Variants in CNTN4 observed in about 807,000 individuals in gnomAD.
The protein encoded by CNTN4 is contactin 4.
In CNTN4, 77 loss-of-function variants were observed where a neutral mutation model predicts 122.5. That is an observed-to-expected ratio of 0.63 (90% CI 0.52 to 0.76). The LOEUF is 0.76. CNTN4 is among the 30% of genes least tolerant of loss of function. The pLI is 0.00. For missense variants in CNTN4, 1,256 were observed against 1,259.1 expected, an observed-to-expected ratio of 1.00 and a Z score of 0.04; for synonymous variants, 512 against 447.0, an observed-to-expected ratio of 1.15 and a Z score of -1.83.
chr3:2,743,444 C>G (rs567088764), intron 5 of CNTN4, among the ~76,000 whole-genome samples: 1 of 152,280 alleles, frequency 6.6e-6, no homozygotes, highest in South Asian at 2.1e-4. Context: ...TTCTTATATA[C>G]AAACACATAA....
chr3:2,692,105 T>C (rs1279426222), intron 4 of CNTN4, among the ~76,000 whole-genome samples: 1 of 143,824 alleles, frequency 7.0e-6, no homozygotes, highest in African/African-American at 2.6e-5. Context: ...TTCTTAAACT[T>C]AAGTGGCACA....
At chr3:2,188,013 G>A (rs957728627) in intron 2 of CNTN4, among the ~76,000 whole-genome samples, 1 of 151,016 alleles carries the variant, frequency 6.6e-6, no homozygotes, top group African/African-American at 2.5e-5. Flanking sequence ...AATGAAAAGG[G>A]AGAAAAAAAA....
At chr3:3,024,474 C>T (rs1447594374) in intron 14 of CNTN4, among the ~76,000 whole-genome samples, 2 of 149,928 alleles carry the variant, frequency 1.3e-5, no homozygotes, top group Non-Finnish European at 3.0e-5. Flanking sequence ...TTATGTAGTC[C>T]TCAAAAGCCT....
chr3:2,745,482 A>ATATG, intron 5 of CNTN4, 40 bp from the exon 6 acceptor site: 1 of 1,473,414 alleles, frequency 6.8e-7, no homozygotes, highest in Non-Finnish European at 9.5e-7. Flanking sequence ...ATATTGATTA[A>ATATG]TATGACAAGA....
intron 3 of CNTN4, among the ~76,000 whole-genome samples, chr3:2,475,853 C>G (rs2075821027): frequency 6.6e-6 from 1 of 152,030 alleles, no homozygotes; most frequent in Non-Finnish European, 1.5e-5. Flanking sequence ...GAATTTCCAG[C>G]TCTTAACTCA....
At chr3:2,462,224 A>C (rs777279156) in intron 3 of CNTN4, among the ~76,000 whole-genome samples, 3 of 152,210 alleles carry the variant, frequency 2.0e-5, no homozygotes, top group African/African-American at 7.2e-5. Context: ...AGTAGCCTCC[A>C]GTGTCCATGC....
chr3:2,510,473 G>A (rs1188379273), intron 3 of CNTN4, among the ~76,000 whole-genome samples: 1 of 151,888 alleles, frequency 6.6e-6, no homozygotes, highest in Non-Finnish European at 1.5e-5. Flanking sequence ...TATCATACAG[G>A]CTCCTTAACT....
At chr3:2,316,970 C>T (rs2043124339) in intron 2 of CNTN4, among the ~76,000 whole-genome samples, 1 of 152,208 alleles carries the variant, frequency 6.6e-6, no homozygotes, top group Non-Finnish European at 1.5e-5. Flanking sequence ...TTTGTGACTT[C>T]ATTTTCCTTC....
intron 4 of CNTN4, among the ~76,000 whole-genome samples, chr3:2,610,822 G>A (rs376295665): frequency 5.3e-5 from 8 of 152,156 alleles, no homozygotes; most frequent in South Asian, 2.1e-4. Context: ...ATACGGTGGC[G>A]TTTTCCATTG....
At chr3:2,745,148 A>G (rs781143490) in intron 5 of CNTN4, among the ~76,000 whole-genome samples, 32 of 152,232 alleles carry the variant, frequency 2.1e-4, no homozygotes, top group Non-Finnish European at 4.0e-4. Flanking sequence ...AGACCTATTT[A>G]AAGAATGATT....
In CNTN4 at chr3:2,142,822, C is replaced by A. The variant is rs573739957; in HGVS notation, c.-145+42183C>A. ...CATAGAAACTACGGCTGCTTTCAGG[C>A]ATATAATGTGAGATCTTGAGAGAGA... is the stretch of plus-strand genomic sequence containing the variant. On this transcript the variant is annotated intron_variant, in intron 2 of 24. Transcript: ENST00000418658. Among the ~76,000 whole-genome samples, 3 of 152,286 alleles carry A rather than the reference C, an allele frequency of 2.0e-5. No homozygotes were observed. The South Asian group carries it at 6.2e-4, about 32-fold the overall frequency.
At chr3:2,174,422 A>G (rs1299815983) in intron 2 of CNTN4, among the ~76,000 whole-genome samples, 1 of 152,184 alleles carries the variant, frequency 6.6e-6, no homozygotes, top group African/African-American at 2.4e-5. Flanking sequence ...TTCCAAATCA[A>G]GGAGCTGGCA....
chr3:2,937,997 G>A (rs985836115), intron 13 of CNTN4, among the ~76,000 whole-genome samples: 1 of 152,132 alleles, frequency 6.6e-6, no homozygotes, highest in Non-Finnish European at 1.5e-5. Flanking sequence ...ACATCAACAG[G>A]AAGAAGCTAC....
At chr3:2,568,227 T>G (rs1385761885) in intron 3 of CNTN4, among the ~76,000 whole-genome samples, 1 of 151,042 alleles carries the variant, frequency 6.6e-6, no homozygotes, top group African/African-American at 2.4e-5. Flanking sequence ...TGCTTTTGTT[T>G]TCAGCACTTT....
chr3:2,985,440 G>A (rs771609247), intron 13 of CNTN4: 1 of 152,408 alleles, frequency 6.6e-6, no homozygotes, highest in African/African-American at 2.4e-5. Flanking sequence ...CATCACTGGG[G>A]GCAGATTTCA....
rs1306508102 is a variant in CNTN4, at chr3:3,030,909, A to G, written c.1717A>G (p.Lys573Glu). Residue 573 changes from lysine (K) to glutamate (E), a missense_variant, in exon 16 of 25, where the codon AAA (lysine) becomes GAA (glutamate). Physicochemically the swap from Lys to Glu is moderately conservative, Grantham distance 56. Transcript: ENST00000418658. ...IRNIQLKHAG[K>E]YVCMVQTSVD... is the part of the protein sequence containing the mutation. ...AAACATCCAACTGAAGCATGCTGGGAAATATGTCTGCATGGTCCAAACAAG... is the reference window on the plus strand; with the variant it reads ...AAACATCCAACTGAAGCATGCTGGGGAATATGTCTGCATGGTCCAAACAAG... 2.5e-6 allele frequency: 4 copies of G among 1,614,106 alleles called. No individual in the cohort carries two copies. In the East Asian group the frequency reaches 8.9e-5, roughly 36 times the overall value.
chr3:2,259,164 T>C (rs187998199), intron 2 of CNTN4, among the ~76,000 whole-genome samples: 2 of 152,128 alleles, frequency 1.3e-5, no homozygotes, highest in Admixed American at 1.3e-4. Flanking sequence ...TTATGGTACC[T>C]GGCTATGCAC....
At chr3:2,508,869 C>T (rs1356152638) in intron 3 of CNTN4, among the ~76,000 whole-genome samples, 1 of 152,058 alleles carries the variant, frequency 6.6e-6, no homozygotes, top group Non-Finnish European at 1.5e-5. Flanking sequence ...AAAAATCAGG[C>T]ATTTCCCAGA....
At chr3:2,652,118 T>A (rs2083391309) in intron 4 of CNTN4, among the ~76,000 whole-genome samples, 1 of 151,854 alleles carries the variant, frequency 6.6e-6, no homozygotes, top group Non-Finnish European at 1.5e-5. Flanking sequence ...CATTTTTCGA[T>A]TGCTGAGGCA....
Sources: allele counts gnomAD v4.1 joint callset (sites outside exome capture counted in the v4.1 genomes callset), GRCh38; gene constraint gnomAD v4.1.1; transcripts MANE v1.5; gene names NCBI Gene and HGNC (gene_info 2026-07-23, HGNC 2026-07-21).